DFFA: variants seen among roughly 807,000 people sequenced by gnomAD.
DFFA encodes the protein DFF45.
A neutral mutation model predicts 28.0 loss-of-function variants in DFFA; 14 were observed. The observed-to-expected ratio is 0.50, with a 90% CI of 0.33 to 0.78. The LOEUF (loss-of-function observed/expected upper bound fraction) is 0.78, where lower values mean the gene tolerates loss of function less well. Among genes scored for constraint, DFFA ranks in the 30% least tolerant of loss-of-function variants. DFFA has a pLI of 0.02. For synonymous variants in DFFA, 158 were observed against 170.3 expected, an observed-to-expected ratio of 0.93 and a Z score of 0.56; for missense variants, 395 against 407.1, an observed-to-expected ratio of 0.97 and a Z score of 0.26.
At chr1:10,470,279 G>T (rs1422972413) in intron 1 of DFFA, among the ~76,000 whole-genome samples, 1 of 152,014 alleles carries the variant, frequency 6.6e-6, no homozygotes, top group Admixed American at 6.6e-5. Flanking sequence ...CACAAAGTCT[G>T]GCTCCTGAAA....
At chr1:10,462,687 G>A in intron 5 of DFFA, 1 of 1,045,940 alleles carries the variant, frequency 9.6e-7, no homozygotes, top group Non-Finnish European at 1.2e-6. Context: ...ATCCCCTCAA[G>A]TTTGCCTTTT....
In DFFA at chr1:10,463,578, G is replaced by C; in HGVS notation, c.484C>G (p.Arg162Gly). The change falls in exon 4 of 6, where the codon CGT becomes GGT. Residue 162 changes from arginine to glycine, a missense_variant. Arg to Gly is a moderately radical substitution (Grantham distance 125). Coordinates refer to ENST00000377038, the MANE Select transcript of DFFA (RefSeq NM_004401.3). ...APCSDLAQEL[R>G]QSCATVQRLQ... ...CGCTGGACGGTGGCACAACTCTGAC[G>C]TAGTTCCTGAGCCAGGTCTGAGCAG... 6.2e-7 allele frequency: 1 copy of C among 1,614,110 alleles called. No homozygotes were observed. The highest frequency in any genetic ancestry group is 1.1e-5 in the South Asian group (1 of 91,070).
At position 10,466,126 on chromosome 1, in the gene DFFA, G is replaced by A. The variant is rs187998539; in HGVS notation, c.441+1064C>T. On this transcript the variant is annotated intron_variant, in intron 3 of 5. Coordinates refer to ENST00000377038, the MANE Select transcript of DFFA (RefSeq NM_004401.3). ...TCATGCCACTGCACTGGGTGACAAA[G>A]CAAGACCCTGTCTCAAAGAGAAATT... 7.9e-5 allele frequency among the ~76,000 whole-genome samples: 12 copies of A among 152,040 alleles called. No homozygotes were observed. The East Asian group carries it at 2.3e-3, about 29-fold the overall frequency.
Position 10,469,270 on chromosome 1 carries a change from T to C in DFFA, c.205A>G (p.Ile69Val). ...VTLVLAEDGT[I>V]VDDDDYFLCL... ...AGAAAGTAATCGTCATCATCCACTA[T>C]GGTGCCATCCTCTGCCAGGACCAGG... Residue 69 changes from isoleucine (I) to valine (V), a missense_variant, in exon 2 of 6, where the codon ATA (isoleucine) becomes GTA (valine). Physicochemically the swap from Ile to Val is conservative, Grantham distance 29 (BLOSUM62 3). Coordinates refer to ENST00000377038, the MANE Select transcript of DFFA (RefSeq NM_004401.3). 6.2e-7 allele frequency: 1 copy of C among 1,614,166 alleles called. No homozygotes were observed. The highest frequency in any genetic ancestry group is 1.1e-5 in the South Asian group (1 of 91,088).
rs1474885310 is a variant in DFFA, at chr1:10,463,594, G to A, written c.468C>T (p.Asp156=). The A allele has an allele frequency of 6.2e-7, 1 of 1,614,022 alleles. No individual in the cohort carries two copies. The highest frequency in any genetic ancestry group is 8.5e-7 in the Non-Finnish European group (1 of 1,179,998). Residue 156 remains aspartate (D), a synonymous_variant, in exon 4 of 6, where the codon GAC becomes GAT. Coordinates refer to ENST00000377038, the MANE Select transcript of DFFA (RefSeq NM_004401.3). ...LQMLVDAPCS[D]LAQELRQSCA... Reference sequence around the variant, plus strand: ...AACTCTGACGTAGTTCCTGAGCCAGGTCTGAGCAGGGAGCGTCAACAAGCA... The same window carrying A: ...AACTCTGACGTAGTTCCTGAGCCAGATCTGAGCAGGGAGCGTCAACAAGCA...
rs1186488496 is a variant in DFFA, at chr1:10,460,761, C to A, written c.*729G>T. 1 of 148,286 alleles carries A rather than the reference C, an allele frequency of 6.7e-6. No homozygotes were observed. Among genetic ancestry groups the A allele is most frequent in the Non-Finnish European group, 1.5e-5 (1 of 66,950 alleles). 9.2% of individuals were successfully genotyped at this position (148,286 alleles called of 1,614,324 possible). A position where few individuals can be genotyped will look rare whatever the true frequency, so the allele number is the denominator to read the frequency against. On this transcript the variant is annotated 3_prime_UTR_variant, in exon 6 of 6. Coordinates refer to ENST00000377038, the MANE Select transcript of DFFA (RefSeq NM_004401.3). ...GCCAGGATGGTCTCGATCTCCTGAC[C>A]TCGTGATCCACCCGCCTCGGCCTCC...
chr1:10,463,854 G>A (rs1252315704), intron 3 of DFFA, among the ~76,000 whole-genome samples: 2 of 151,796 alleles, frequency 1.3e-5, no homozygotes, highest in Admixed American at 6.6e-5. Flanking sequence ...TAGTAGAGAC[G>A]GGGTTTTGTC....
At chr1:10,462,120 A>G (rs1025625851) in intron 5 of DFFA, among the ~76,000 whole-genome samples, 1 of 152,116 alleles carries the variant, frequency 6.6e-6, no homozygotes, top group African/African-American at 2.4e-5. Flanking sequence ...GGCCTCCCAA[A>G]GTGCTGGGAT....
intron 1 of DFFA, among the ~76,000 whole-genome samples, chr1:10,471,306 C>T (rs76676818): frequency 0.013 from 2,036 of 152,174 alleles, 37 homozygotes; most frequent in African/African-American, 0.043. Flanking sequence ...CTACAAATAT[C>T]CTTCAGCGGT....
At position 10,472,312 on chromosome 1, in the gene DFFA, C is replaced by T. The variant is rs200410427; in HGVS notation, c.136+11G>A. ...GCTCCCCCACACCCTCGCCCGGGGT[C>T]CCGAGCCAACCCTTGCTCCTCAGGT... is the stretch of plus-strand genomic sequence containing the variant. On this transcript the variant is annotated intron_variant, in intron 1 of 5. Transcript: ENST00000377038. The surrounding 1 kb of genome is among the most constrained non-coding windows in gnomAD (Gnocchi z 5.0). 618 of 1,578,770 alleles carry T rather than the reference C, an allele frequency of 3.9e-4. 1 individual carries two copies. The highest frequency in any genetic ancestry group is 4.9e-4 in the Non-Finnish European group (569 of 1,158,514).
At chr1:10,467,490 G>A (rs897348573) in intron 2 of DFFA, among the ~76,000 whole-genome samples, 158 bp from the exon 3 acceptor site, 11 of 151,866 alleles carry the variant, frequency 7.2e-5, no homozygotes, top group Non-Finnish European at 1.5e-4. Context: ...ATCCATCCAG[G>A]ACCTTGATTT....
At chr1:10,468,501 A>AT (rs1230977401) in intron 2 of DFFA, among the ~76,000 whole-genome samples, 1 of 151,740 alleles carries the variant, frequency 6.6e-6, no homozygotes, top group African/African-American at 2.4e-5. Flanking sequence ...CCCTGGTTTG[A>AT]TATGTACTAT....
Position 10,469,083 on chromosome 1 carries a change from A to C in DFFA, c.298+94T>G. On this transcript the variant is annotated intron_variant, in intron 2 of 5. Coordinates refer to ENST00000377038, the MANE Select transcript of DFFA (RefSeq NM_004401.3). ...AATATCTGTTGAACAAATGCTTAAA[A>C]AGCCAGACAAATGGCAATTGTCTGT... The C allele has an allele frequency of 6.1e-6, 8 of 1,319,304 alleles. No individual in the cohort carries two copies. In the Admixed American group the frequency reaches 1.5e-4, roughly 25 times the overall value. The allele number at this position is 1,319,304 out of a possible 1,614,324, so 81.7% of individuals were successfully genotyped here.
chr1:10,461,157 C>T lies in DFFA; in HGVS notation c.*333G>A, dbSNP rs372395272. On this transcript the variant is annotated 3_prime_UTR_variant, in exon 6 of 6. Transcript: ENST00000377038. ...GATCTCCTGACTTCACGATCCGCCC[C>T]CCTCGGCCTCCCAGTGCTGGGATTA... 1.0e-3 allele frequency: 217 copies of T among 211,462 alleles called. No homozygotes were observed. Among genetic ancestry groups the T allele is most frequent in the African/African-American group, 4.4e-3 (197 of 44,464 alleles). The allele number at this position is 211,462 out of a possible 1,614,324, so 13.1% of individuals were successfully genotyped here. A position where few individuals can be genotyped will look rare whatever the true frequency, so the allele number is the denominator to read the frequency against.
At chr1:10,462,971 C>A in intron 5 of DFFA, 87 bp downstream of exon 5, 2 of 1,579,254 alleles carry the variant, frequency 1.3e-6, no homozygotes, top group South Asian at 2.3e-5. Flanking sequence ...CAGAGGTGAA[C>A]AAAAGGGCCC....
Position 10,461,639 on chromosome 1 carries a change from C to G in DFFA, c.847G>C (p.Glu283Gln). ...CGCTCACAGGCCTCCTGAACAGTCTCCGTCTTCTTTATGTCCCAGTTCAAG... is the reference window on the plus strand; with the variant it reads ...CGCTCACAGGCCTCCTGAACAGTCTGCGTCTTCTTTATGTCCCAGTTCAAG... ...VALNWDIKKTETVQEACEREL... is the reference protein window; with the variant it reads ...VALNWDIKKTQTVQEACEREL... Residue 283 changes from glutamate to glutamine, a missense_variant, in exon 6 of 6, where the codon GAG (glutamate) becomes CAG (glutamine). Physicochemically the swap from Glu to Gln is conservative, Grantham distance 29. Transcript: ENST00000377038. The G allele has an allele frequency of 6.2e-7, 1 of 1,614,260 alleles. No homozygotes were observed. The highest frequency in any genetic ancestry group is 8.5e-7 in the Non-Finnish European group (1 of 1,180,040).
At chr1:10,462,100 C>T (rs1049119326) in intron 5 of DFFA, among the ~76,000 whole-genome samples, 14 of 152,134 alleles carry the variant, frequency 9.2e-5, no homozygotes, top group Admixed American at 3.9e-4. Context: ...CCTTGTGATC[C>T]GCCCACCTTG....
intron 1 of DFFA, among the ~76,000 whole-genome samples, chr1:10,471,920 G>A (rs1041799814): frequency 3.4e-4 from 51 of 152,212 alleles, no homozygotes; most frequent in Admixed American, 2.9e-3. Flanking sequence ...TTCCTGCATA[G>A]GTTCCTGCCA....
intron 1 of DFFA, among the ~76,000 whole-genome samples, chr1:10,470,591 A>AT (rs1334353666): frequency 6.7e-6 from 1 of 149,468 alleles, no homozygotes; most frequent in Non-Finnish European, 1.5e-5. Flanking sequence ...CGCCCGGCTA[A>AT]TTTTTTTGTA....
Sources: gnomAD v4.1 joint callset for allele counts (sites outside exome capture counted in the v4.1 genomes callset) on GRCh38, gnomAD v4.1.1 for gene constraint, Gnocchi (gnomAD v3.1) non-coding constraint, MANE v1.5 for transcripts, NCBI Gene and HGNC (gene_info 2026-07-23, HGNC 2026-07-21) for gene names.